EYS: variants seen among roughly 807,000 people sequenced by gnomAD.
EYS encodes the protein protein eyes shut homolog.
A neutral mutation model predicts 282.1 loss-of-function variants in EYS; 250 were observed. The ratio of observed to expected loss-of-function variants is 0.89; its 90% CI spans 0.80 to 0.98. The LOEUF (loss-of-function observed/expected upper bound fraction) is 0.98, where lower values mean the gene tolerates loss of function less well. Among genes scored for constraint, EYS ranks in the 50% least tolerant of loss-of-function variants. The pLI, the probability that EYS is intolerant of heterozygous loss-of-function variation, is 0.00. For synonymous variants in EYS, 1,355 were observed against 1,282.9 expected (o/e 1.06, Z -1.20); for missense variants, 4,016 against 3,709.0 (o/e 1.08, Z -2.15).
intron 31 of EYS, among the ~76,000 whole-genome samples, chr6:64,088,263 C>G (rs1033452908): frequency 6.6e-6 from 1 of 152,138 alleles, no homozygotes; most frequent in East Asian, 1.9e-4. Flanking sequence ...ATTTATTTCT[C>G]TTCCAATTAT....
At chr6:64,045,633 G>A (rs1170357745) in intron 33 of EYS, among the ~76,000 whole-genome samples, 1 of 150,586 alleles carries the variant, frequency 6.6e-6, no homozygotes, top group African/African-American at 2.4e-5. Context: ...TTTTAGTAGA[G>A]ACGGGGTTTC....
chr6:65,602,215 AGAT>A (rs1278259715), intron 2 of EYS, among the ~76,000 whole-genome samples: 2 of 152,044 alleles, frequency 1.3e-5, no homozygotes, highest in African/African-American at 4.8e-5. Flanking sequence ...TGATTCAACA[AGAT>A]GTACACAAAA....
intron 2 of EYS, among the ~76,000 whole-genome samples, chr6:65,573,410 CT>C (rs2127354383): frequency 6.6e-6 from 1 of 152,236 alleles, no homozygotes; most frequent in South Asian, 2.1e-4. Context: ...TCTTTTGCCA[CT>C]GAAGGAATCA....
At chr6:63,757,652 G>A (rs1324819393) in intron 41 of EYS, among the ~76,000 whole-genome samples, 2 of 152,058 alleles carry the variant, frequency 1.3e-5, no homozygotes, top group African/African-American at 2.4e-5. Context: ...GTCACCCCCA[G>A]TGGCCCAGCT....
intron 41 of EYS, among the ~76,000 whole-genome samples, chr6:63,748,012 G>A (rs1418423858): frequency 6.6e-6 from 1 of 152,136 alleles, no homozygotes; most frequent in Non-Finnish European, 1.5e-5. Context: ...TGGTTATTTT[G>A]CCCGTTAGTT....
At chr6:65,087,444 T>G (rs950149915) in intron 12 of EYS, among the ~76,000 whole-genome samples, 1 of 152,154 alleles carries the variant, frequency 6.6e-6, no homozygotes, top group African/African-American at 2.4e-5. Context: ...TCCTTACTTC[T>G]TGAATTAGTT....
chr6:65,013,976 T>A (rs1435275578), intron 13 of EYS, among the ~76,000 whole-genome samples: 1 of 152,190 alleles, frequency 6.6e-6, no homozygotes, highest in Non-Finnish European at 1.5e-5. Context: ...CCCAGAATCA[T>A]AAGGGAGTCC....
chr6:64,500,680 G>A (rs1259234426), intron 26 of EYS, among the ~76,000 whole-genome samples: 1 of 151,994 alleles, frequency 6.6e-6, no homozygotes, highest in Non-Finnish European at 1.5e-5. Context: ...CTCCTAGAAA[G>A]GAATTAGTGG....
intron 5 of EYS, among the ~76,000 whole-genome samples, chr6:65,406,307 C>CT (rs1183704892): frequency 6.6e-6 from 1 of 151,848 alleles, no homozygotes; most frequent in Non-Finnish European, 1.5e-5. Context: ...TGAGTGAGTT[C>CT]TTTGTATATA....
At position 65,360,003 on chromosome 6, in the gene EYS, T is replaced by A. The variant is rs1253694443; in HGVS notation, c.1300-6386A>T. Among the ~76,000 whole-genome samples the A allele has an allele frequency of 2.6e-5, 4 of 152,046 alleles. No individual in the cohort carries two copies. In the East Asian group the frequency reaches 7.7e-4, roughly 29 times the overall value. On this transcript the variant is annotated intron_variant, in intron 8 of 42. Coordinates refer to ENST00000503581, the MANE Select transcript of EYS (RefSeq NM_001142800.2). ...GGTTTCAAATCTCATCAATTGTTAC[T>A]TTATTTTAAAATTTATTCTCTATTC...
intron 14 of EYS, among the ~76,000 whole-genome samples, chr6:64,983,124 G>A (rs1329507255): frequency 3.3e-5 from 5 of 151,082 alleles, no homozygotes; most frequent in Non-Finnish European, 5.9e-5. Context: ...AAGATAAAGC[G>A]TTCATATTAC....
Position 65,589,528 on chromosome 6 carries a change from A to G in EYS, c.-333+50250T>C, listed in dbSNP as rs116223586. ...CTCTAGGTAGAAATGGTTGATTCTT[A>G]TCTTGAATTCTGCTTGTACTCTCAC... On this transcript the variant is annotated intron_variant, in intron 2 of 42. Coordinates refer to ENST00000503581, the MANE Select transcript of EYS (RefSeq NM_001142800.2). 4.5e-3 allele frequency among the ~76,000 whole-genome samples: 687 copies of G among 152,014 alleles called. 1 individual carries two copies. The highest frequency in any genetic ancestry group is 0.017 in the Middle Eastern group (5 of 294).
rs1765882772 is a variant in EYS, at chr6:63,957,671, GA to G, written c.7055+26711del. On this transcript the variant is annotated intron_variant, in intron 35 of 42. Coordinates refer to ENST00000503581, the MANE Select transcript of EYS (RefSeq NM_001142800.2). ...TATGCTACAGCGCCTAAAAGTTAAA[GA>G]AAAATCCTGTTTGGATACCATGTAT... Among the ~76,000 whole-genome samples, 5 of 140,380 alleles carry G rather than the reference GA, an allele frequency of 3.6e-5. 2 individuals carry two copies. Among genetic ancestry groups the G allele is most frequent in the Admixed American group, 1.5e-4 (2 of 12,988 alleles). The allele number at this position is 140,380 out of a possible 152,430, so 92.1% of individuals were successfully genotyped here.
intron 5 of EYS, among the ~76,000 whole-genome samples, chr6:65,436,139 A>G (rs572050477): frequency 9.2e-5 from 14 of 152,278 alleles, no homozygotes; most frequent in African/African-American, 3.4e-4. Flanking sequence ...AAAACTATCA[A>G]TGTAATTGGC....
chr6:65,163,138 C>T (rs1764891139), intron 12 of EYS, among the ~76,000 whole-genome samples: 2 of 151,166 alleles, frequency 1.3e-5, no homozygotes, highest in Non-Finnish European at 1.5e-5. Flanking sequence ...TCTTTATGCA[C>T]CTCTTGAGTT....
At chr6:64,134,020 CTCCTAAG>C (rs1774079253) in intron 31 of EYS, among the ~76,000 whole-genome samples, 1 of 151,936 alleles carries the variant, frequency 6.6e-6, no homozygotes, top group Non-Finnish European at 1.5e-5. Context: ...AGATAAAAAG[CTCCTAAG>C]GAAGTGTGTG....
Position 64,855,248 on chromosome 6 carries a change from C to T in EYS, c.2992+31449G>A, listed in dbSNP as rs563150018. On this transcript the variant is annotated intron_variant, in intron 19 of 42. Transcript: ENST00000503581. ...TTGTGGATTGGTGTATGTTTTTTAC[C>T]GTTTTTGTAGAAATCTTGGCCTTTA... 6.5e-4 allele frequency among the ~76,000 whole-genome samples: 99 copies of T among 151,798 alleles called. 1 individual carries two copies. Among genetic ancestry groups the T allele is most frequent in the South Asian group, 3.3e-3 (16 of 4,806 alleles).
intron 28 of EYS, among the ~76,000 whole-genome samples, chr6:64,416,024 T>C (rs1774048718): frequency 6.6e-6 from 1 of 152,184 alleles, no homozygotes; most frequent in African/African-American, 2.4e-5. Context: ...GCAAAGCTGC[T>C]CGTGTGCTAT....
chr6:65,127,268 C>T (rs543545542), intron 12 of EYS, among the ~76,000 whole-genome samples: 3 of 152,096 alleles, frequency 2.0e-5, no homozygotes, highest in South Asian at 2.1e-4. Flanking sequence ...TTCCCTTACA[C>T]CTAGTAGGGA....
Sources: gnomAD v4.1 joint callset for allele counts (sites outside exome capture counted in the v4.1 genomes callset) on GRCh38, gnomAD v4.1.1 for gene constraint, MANE v1.5 for transcripts, NCBI Gene and HGNC (gene_info 2026-07-23, HGNC 2026-07-21) for gene names.